Variants in EEF1A2 observed in about 807,000 individuals in gnomAD.
EEF1A2 encodes eukaryotic translation elongation factor 1 alpha 2.
A neutral mutation model predicts 39.3 loss-of-function variants in EEF1A2; 5 were observed. The observed-to-expected ratio is 0.13, with a 90% CI of 0.07 to 0.27. EEF1A2 has a LOEUF of 0.27. EEF1A2 is among the 10% of genes least tolerant of loss of function. EEF1A2 has a pLI of 1.00. For missense variants in EEF1A2, 218 were observed against 681.4 expected (o/e 0.32, Z 7.57); for synonymous variants, 287 against 293.7 (o/e 0.98, Z 0.23).
intron 3 of EEF1A2, 52 bp downstream of exon 3, chr20:63,495,804 T>C: frequency 1.3e-6 from 2 of 1,596,784 alleles, no homozygotes; most frequent in Non-Finnish European, 1.7e-6. Flanking sequence ...CCAGTGTCCC[T>C]TGAAGGGTGC....
intron 5 of EEF1A2, 130 bp from the exon 6 acceptor site, chr20:63,490,865 C>T: frequency 2.7e-6 from 3 of 1,132,062 alleles, no homozygotes; most frequent in Non-Finnish European, 3.7e-6. Context: ...GGGGTTGGGG[C>T]CACATGGGCG....
Position 63,498,195 on chromosome 20 carries a change from C to T in EEF1A2, c.-71-361G>A. On this transcript the variant is annotated intron_variant, in intron 1 of 7. Coordinates refer to ENST00000217182, the MANE Select transcript of EEF1A2 (RefSeq NM_001958.5). This position sits in a 1 kb window ranked among gnomAD's most constrained non-coding sequence, Gnocchi z 4.1. ...GGTGATGAGTCACCTGCCCAGCGCT[C>T]CAGGGCCCTGTCCTGCACGCGCACT... 1 of 156,664 alleles carries T rather than the reference C, an allele frequency of 6.4e-6. No homozygotes were observed. Among genetic ancestry groups the T allele is most frequent in the Non-Finnish European group, 1.4e-5 (1 of 71,120 alleles). 9.7% of individuals were successfully genotyped at this position (156,664 alleles called of 1,614,324 possible).
Position 63,488,444 on chromosome 20 carries a change from C to CGGA in EEF1A2, c.1265-20_1265-19insTCC. 1 of 1,413,526 alleles carries CGGA rather than the reference C, an allele frequency of 7.1e-7. No individual in the cohort carries two copies. The highest frequency in any genetic ancestry group is 1.4e-5 in the South Asian group (1 of 70,392). 87.6% of individuals were successfully genotyped at this position (1,413,526 alleles called of 1,614,324 possible). ...AAGCGGCCTGGGGGGCGGGGGGCGG[C>CGGA]GTGTGGGCGGGGCCGGAGGACTTGA... On this transcript the variant is annotated intron_variant, in intron 7 of 7. Transcript: ENST00000217182.
Position 63,489,176 on chromosome 20 carries a change from C to T in EEF1A2, c.1030-24G>A, listed in dbSNP as rs1200394555. 9 of 1,605,376 alleles carry T rather than the reference C, an allele frequency of 5.6e-6. No individual in the cohort carries two copies. In the Middle Eastern group the frequency reaches 1.2e-3, roughly 207 times the overall value. On this transcript the variant is annotated intron_variant, in intron 6 of 7. Coordinates refer to ENST00000217182, the MANE Select transcript of EEF1A2 (RefSeq NM_001958.5). Reference sequence around the variant, plus strand: ...ACCTGCGAGCGGAGCCACAGGCGGCCATCAGGCACATCGGCGGTGGGCACC... The same window carrying T: ...ACCTGCGAGCGGAGCCACAGGCGGCTATCAGGCACATCGGCGGTGGGCACC...
At chr20:63,489,228 G>C in intron 6 of EEF1A2, 76 bp from the exon 7 acceptor site, 1 of 1,460,110 alleles carries the variant, frequency 6.8e-7, no homozygotes, top group Non-Finnish European at 9.3e-7. Context: ...GGGGCTGGGA[G>C]GCCCAGTCAC....
rs776988182 is a variant in EEF1A2, at chr20:63,488,409, G to A, written c.1281C>T (p.Arg427=). The change falls in exon 8 of 8, where the codon CGC becomes CGT. Residue 427 remains arginine, a synonymous_variant. Coordinates refer to ENST00000217182, the MANE Select transcript of EEF1A2 (RefSeq NM_001958.5). The part of the protein sequence containing the change: ...QYPPLGRFAV[R]DMRQTVAVGV... ...CTACGGCCACCGTCTGCCTCATGTC[G>A]CGCACGGCGAAGCGGCCTGGGGGGC... 9.6e-6 allele frequency: 14 copies of A among 1,465,818 alleles called. No individual in the cohort carries two copies. The highest frequency in any genetic ancestry group is 3.0e-5 in the East Asian group (1 of 33,352). The allele number at this position is 1,465,818 out of a possible 1,614,324, so 90.8% of individuals were successfully genotyped here.
In EEF1A2 at chr20:63,498,284, G is replaced by T. The variant is rs1381702997; in HGVS notation, c.-71-450C>A. 6.5e-6 allele frequency: 1 copy of T among 152,730 alleles called. No homozygotes were observed. Among genetic ancestry groups the T allele is most frequent in the Admixed American group, 6.5e-5 (1 of 15,298 alleles). 9.5% of individuals were successfully genotyped at this position (152,730 alleles called of 1,614,324 possible). On this transcript the variant is annotated intron_variant, in intron 1 of 7. Coordinates refer to ENST00000217182, the MANE Select transcript of EEF1A2 (RefSeq NM_001958.5). This position sits in a 1 kb window ranked among gnomAD's most constrained non-coding sequence, Gnocchi z 4.1. Reference sequence around the variant, plus strand: ...CCCCCACCCGCTGCCACCGGGGAGAGATGGCCACTGCTCCCCACTCCCCTC... The same window carrying T: ...CCCCCACCCGCTGCCACCGGGGAGATATGGCCACTGCTCCCCACTCCCCTC...
chr20:63,494,092 G>C (rs923572648), intron 4 of EEF1A2, among the ~76,000 whole-genome samples: 4 of 152,224 alleles, frequency 2.6e-5, no homozygotes, highest in African/African-American at 9.6e-5. Flanking sequence ...AGTGCTGCTG[G>C]TCTGTCTCCC....
At chr20:63,489,806 T>C (rs556248398) in intron 6 of EEF1A2, among the ~76,000 whole-genome samples, 3 of 152,206 alleles carry the variant, frequency 2.0e-5, no homozygotes, top group South Asian at 2.1e-4. Flanking sequence ...ATAAATCATA[T>C]GAAGAGGCCA....
At position 63,488,144 on chromosome 20, in the gene EEF1A2, A is replaced by G. The variant is rs2082360214; in HGVS notation, c.*154T>C. 9.4e-6 allele frequency: 3 copies of G among 317,668 alleles called. No individual in the cohort carries two copies. Among genetic ancestry groups the G allele is most frequent in the Non-Finnish European group, 1.3e-5 (3 of 223,516 alleles). 19.7% of individuals were successfully genotyped at this position (317,668 alleles called of 1,614,324 possible). On this transcript the variant is annotated 3_prime_UTR_variant, in exon 8 of 8. Transcript: ENST00000217182. Reference sequence around the variant, plus strand: ...CTTGATGGCGAGCATCCAGTCGCTGACCGAGGGCCTCTGGCAAGCGGAGGT... The same window carrying G: ...CTTGATGGCGAGCATCCAGTCGCTGGCCGAGGGCCTCTGGCAAGCGGAGGT...
At chr20:63,489,405 C>T (rs538561157) in intron 6 of EEF1A2, among the ~76,000 whole-genome samples, 61 of 152,324 alleles carry the variant, frequency 4.0e-4, no homozygotes, top group Middle Eastern at 3.4e-3. Flanking sequence ...CGGCCAACCC[C>T]AGCTGGAACT....
rs371263699 is a variant in EEF1A2 at position 63,495,961 on chromosome 20, G to A, written c.219C>T (p.Ile73=). The A allele has an allele frequency of 5.0e-5, 80 of 1,613,164 alleles. No homozygotes were observed. The highest frequency in any genetic ancestry group is 6.7e-5 in the Admixed American group (4 of 60,002). ...TCTCGAACTTCCAGAGGGAGATGTC[G>A]ATGGTGATGCCGCGCTCACGCTCCG... ...LKAERERGIT[I]DISLWKFETT... is the part of the protein sequence containing the mutation. Residue 73 remains isoleucine (I), a synonymous_variant, in exon 3 of 8, where the codon ATC becomes ATT. Coordinates refer to ENST00000217182, the MANE Select transcript of EEF1A2 (RefSeq NM_001958.5).
Position 63,497,546 on chromosome 20 carries a change from G to A in EEF1A2, c.144+74C>T, listed in dbSNP as rs1050010073. The A allele has an allele frequency of 1.8e-5, 28 of 1,552,072 alleles. No homozygotes were observed. Among genetic ancestry groups the A allele is most frequent in the Non-Finnish European group, 1.8e-5 (21 of 1,147,182 alleles). On this transcript the variant is annotated intron_variant, in intron 2 of 7. Transcript: ENST00000217182. This position sits in a 1 kb window ranked among gnomAD's most constrained non-coding sequence, Gnocchi z 7.3. ...TGAGCCCCATGCCCTGGGGCTGGGA[G>A]ATGCCAAGCCTGGCCACCACGGGAG... is the stretch of plus-strand genomic sequence containing the variant.
chr20:63,488,371 T>C lies in EEF1A2; in HGVS notation c.1319A>G (p.Asn440Ser). 6.8e-7 allele frequency: 1 copy of C among 1,472,042 alleles called. No individual in the cohort carries two copies. Among genetic ancestry groups the C allele is most frequent in the Non-Finnish European group, 9.0e-7 (1 of 1,111,668 alleles). The allele number at this position is 1,472,042 out of a possible 1,614,324, so 91.2% of individuals were successfully genotyped here. A position where few individuals can be genotyped will look rare whatever the true frequency, so the allele number is the denominator to read the frequency against. The change falls in exon 8 of 8, where the codon AAC (asparagine) becomes AGC (serine). Residue 440 changes from asparagine to serine, a missense_variant. Physicochemically the swap from Asn to Ser is conservative, Grantham distance 46. Around this residue, in one of 4 missense-constraint regions of EEF1A2, gnomAD observed 31 missense variants for 57.0 expected, o/e 0.54. Coordinates refer to ENST00000217182, the MANE Select transcript of EEF1A2 (RefSeq NM_001958.5). Reference protein sequence around the residue: ...RQTVAVGVIKNVEKKSGGAGK... With the variant: ...RQTVAVGVIKSVEKKSGGAGK... Reference sequence around the variant, plus strand: ...GGCGCCGCCGCTCTTCTTCTCCACGTTCTTGATGACGCCTACGGCCACCGT... The same window carrying C: ...GGCGCCGCCGCTCTTCTTCTCCACGCTCTTGATGACGCCTACGGCCACCGT...
At chr20:63,488,483 C>A in intron 7 of EEF1A2, 58 bp from the exon 8 acceptor site, 1 of 1,343,418 alleles carries the variant, frequency 7.4e-7, no homozygotes, top group Non-Finnish European at 9.5e-7. Flanking sequence ...CCCCCAACCC[C>A]AGGGCTCTGG....
At chr20:63,495,591 T>C (rs564897631) in intron 3 of EEF1A2, among the ~76,000 whole-genome samples, 1 of 152,336 alleles carries the variant, frequency 6.6e-6, no homozygotes, top group African/African-American at 2.4e-5. Flanking sequence ...TGAAGGTGTG[T>C]CCACGTCCCC....
In EEF1A2 at chr20:63,495,837, C is replaced by A. The variant is rs765475849; in HGVS notation, c.324+19G>T. 20 of 1,611,274 alleles carry A rather than the reference C, an allele frequency of 1.2e-5. No individual in the cohort carries two copies. The South Asian group carries it at 2.2e-4, about 18-fold the overall frequency. On this transcript the variant is annotated intron_variant, in intron 3 of 7. Transcript: ENST00000217182. ...TGCAGCGGCCTCTCCCCCAGCCCCG[C>A]CTGCTGTGCCCTGCTCACCTGGGAT...
At chr20:63,492,237 GAT>G (rs2082387394) in intron 5 of EEF1A2, among the ~76,000 whole-genome samples, 1 of 138,900 alleles carries the variant, frequency 7.2e-6, no homozygotes, top group African/African-American at 2.7e-5. Flanking sequence ...AGGATGGATG[GAT>G]AGGTAGGTGG....
At position 63,494,916 on chromosome 20, in the gene EEF1A2, G is replaced by A. The variant is rs1425598851; in HGVS notation, c.510C>T (p.Ile170=). ...PAYSEKRYDE[I]VKEVSAYIKK... ...TGATGTAGGCGCTGACTTCCTTGAC[G>A]ATCTCGTCGTAGCGCTTCTCGCTGT... The change falls in exon 4 of 8, where the codon ATC becomes ATT. Residue 170 remains isoleucine, a synonymous_variant. Coordinates refer to ENST00000217182, the MANE Select transcript of EEF1A2 (RefSeq NM_001958.5). 5.6e-6 allele frequency: 9 copies of A among 1,612,830 alleles called. No homozygotes were observed. The highest frequency in any genetic ancestry group is 2.2e-5 in the East Asian group (1 of 44,874).
Sources: allele counts gnomAD v4.1 joint callset (sites outside exome capture counted in the v4.1 genomes callset), GRCh38; gene constraint gnomAD v4.1.1; regional missense constraint gnomAD v4.1.1; non-coding constraint Gnocchi (gnomAD v3.1); transcripts MANE v1.5; gene names NCBI Gene and HGNC (gene_info 2026-07-23, HGNC 2026-07-21).